Variants in WDR89 observed in about 807,000 individuals in gnomAD.
The protein encoded by WDR89 is WD repeat-containing protein 89.
WDR89 carries 17 observed loss-of-function variants against 29.1 expected under a neutral mutation model. The observed-to-expected ratio is 0.58, with a 90% CI of 0.40 to 0.88. The LOEUF is 0.88. Ranked by LOEUF, WDR89 falls within the 40% of genes least tolerant of loss-of-function variation. The pLI is 0.00. For missense variants in WDR89, 396 were observed against 456.3 expected (o/e 0.87, Z 1.20); for synonymous variants, 138 against 157.8 (o/e 0.87, Z 0.94).
rs930482058 is a variant in WDR89, at chr14:63,604,910, C to T, written c.-31-4937G>A. Among the ~76,000 whole-genome samples the T allele has an allele frequency of 2.6e-4, 40 of 152,116 alleles. 1 individual carries two copies. The highest frequency in any genetic ancestry group is 3.4e-3 in the Middle Eastern group (1 of 294). ...ATCCCAGCACTTTGGGAGGCCAAGC[C>T]GGGCAGCCAGGCAGATCACTTTAGC... On this transcript the variant is annotated intron_variant, in intron 2 of 2. Transcript: ENST00000620954.
chr14:63,599,787 G>A lies in WDR89; in HGVS notation c.156C>T (p.Ile52=), dbSNP rs1894972078. The A allele has an allele frequency of 6.2e-7, 1 of 1,614,104 alleles. No homozygotes were observed. Among genetic ancestry groups the A allele is most frequent in the Admixed American group, 1.7e-5 (1 of 60,020 alleles). ...TTAACCTTTCTTTATCATATATTCT[G>A]ATTGATCCATTAGAACATAAAACAG... is the stretch of plus-strand genomic sequence containing the variant. The part of the protein sequence containing the change: ...LVAVLCSNGS[I]RIYDKERLNV... The change falls in exon 3 of 3, where the codon ATC becomes ATT. Residue 52 remains isoleucine, a synonymous_variant. Transcript: ENST00000620954.
intron 1 of WDR89, among the ~76,000 whole-genome samples, chr14:63,640,959 G>T (rs1322761431): frequency 2.0e-5 from 3 of 149,938 alleles, no homozygotes; most frequent in Admixed American, 6.6e-5. Context: ...TTAGCCGGGC[G>T]TGGTGCCAGG....
intron 2 of WDR89, among the ~76,000 whole-genome samples, chr14:63,624,511 T>TAA (rs34839242): frequency 7.3e-6 from 1 of 136,810 alleles, no homozygotes. Context: ...AAGAAATATT[T>TAA]AAAAAAAAAA....
chr14:63,641,758 G>C (rs1429727042), intron 1 of WDR89, 46 bp downstream of exon 1: 2 of 152,582 alleles, frequency 1.3e-5, no homozygotes, highest in African/African-American at 2.4e-5. Context: ...CGTCGAGAGG[G>C]CTGCCCATCC....
At chr14:63,612,043 A>C (rs1203924679) in intron 2 of WDR89, among the ~76,000 whole-genome samples, 1 of 151,960 alleles carries the variant, frequency 6.6e-6, no homozygotes, top group Non-Finnish European at 1.5e-5. Flanking sequence ...AAAATTTTTA[A>C]CATATCATTG....
At chr14:63,615,853 G>A (rs1327650095) in intron 2 of WDR89, among the ~76,000 whole-genome samples, 2 of 151,900 alleles carry the variant, frequency 1.3e-5, no homozygotes, top group African/African-American at 2.4e-5. Flanking sequence ...GAACCTCAGA[G>A]GCAGAGGTTG....
At chr14:63,609,480 T>G (rs1423793697) in intron 2 of WDR89, among the ~76,000 whole-genome samples, 1 of 152,126 alleles carries the variant, frequency 6.6e-6, no homozygotes, top group Non-Finnish European at 1.5e-5. Flanking sequence ...CATTTTATAA[T>G]GAAAAATACA....
At chr14:63,603,040 G>A (rs1895149778) in intron 2 of WDR89, among the ~76,000 whole-genome samples, 1 of 151,862 alleles carries the variant, frequency 6.6e-6, no homozygotes, top group Admixed American at 6.6e-5. Flanking sequence ...ACAGGCGTGA[G>A]CCACCACGCC....
In WDR89 at chr14:63,632,550, T is replaced by C. The variant is rs543672071; in HGVS notation, c.-137-7517A>G. 7.2e-5 allele frequency among the ~76,000 whole-genome samples: 11 copies of C among 152,182 alleles called. No homozygotes were observed. The South Asian group carries it at 2.1e-3, about 29-fold the overall frequency. On this transcript the variant is annotated intron_variant, in intron 1 of 2. Coordinates refer to ENST00000620954, the MANE Select transcript of WDR89 (RefSeq NM_080666.4). ...AGGGAGGCTAAGGCACGAGAATCAA[T>C]TGAACCCGGGAGGTGGAGGTTGCAG...
intron 2 of WDR89, among the ~76,000 whole-genome samples, chr14:63,616,537 G>A (rs1882316449): frequency 6.6e-6 from 1 of 152,162 alleles, no homozygotes; most frequent in Non-Finnish European, 1.5e-5. Context: ...TCCCCCATGA[G>A]GTGACATTTG....
intron 1 of WDR89, among the ~76,000 whole-genome samples, chr14:63,625,288 T>C (rs951348322): frequency 7.9e-5 from 12 of 152,118 alleles, no homozygotes; most frequent in African/African-American, 2.7e-4. Context: ...GGGGCTGAGG[T>C]TGTGGGGAGG....
intron 1 of WDR89, among the ~76,000 whole-genome samples, chr14:63,637,582 G>GTA (rs1883819810): frequency 6.6e-6 from 1 of 151,946 alleles, no homozygotes; most frequent in African/African-American, 2.4e-5. Context: ...ATATGTGTGT[G>GTA]TATATATATG....
rs1894904056 is a variant in WDR89 at position 63,598,795 on chromosome 14, CTTTTA to C, written c.1143_1147del (p.Tyr381Ter). 3.2e-6 allele frequency: 5 copies of C among 1,581,364 alleles called. No homozygotes were observed. The highest frequency in any genetic ancestry group is 3.4e-6 in the Non-Finnish European group (4 of 1,165,418). On this transcript the variant is annotated stop_gained and frameshift_variant, in exon 3 of 3. Transcript: ENST00000620954. LOFTEE classifies it high-confidence loss of function. ...AATGCATTATCACTGCTTTTTCCTT[CTTTTA>C]TAAGAATCATTACTATGAACTCGTA... is the stretch of plus-strand genomic sequence containing the variant.
At chr14:63,601,881 A>C (rs1895080914) in intron 2 of WDR89, 1 of 596,450 alleles carries the variant, frequency 1.7e-6, no homozygotes, top group Non-Finnish European at 3.0e-6. Flanking sequence ...GAAATCTTTC[A>C]TCATGTAAAT....
chr14:63,635,677 GA>G (rs1595041250), intron 1 of WDR89, among the ~76,000 whole-genome samples: 1 of 152,148 alleles, frequency 6.6e-6, no homozygotes, highest in African/African-American at 2.4e-5. Flanking sequence ...CAATAAAGAG[GA>G]AGTCAAACTG....
At chr14:63,601,486 A>G (rs954900702) in intron 2 of WDR89, 1 of 1,264,766 alleles carries the variant, frequency 7.9e-7, no homozygotes, top group South Asian at 1.2e-5. Context: ...AGAGCAGAGT[A>G]CGAGTCTGAG....
intron 1 of WDR89, among the ~76,000 whole-genome samples, chr14:63,626,339 T>C (rs1367850386): frequency 6.6e-6 from 1 of 151,888 alleles, no homozygotes; most frequent in African/African-American, 2.4e-5. Context: ...CAGTAAGTCA[T>C]AAAAGGGAAA....
chr14:63,634,030 T>TA (rs1186908085), intron 1 of WDR89, among the ~76,000 whole-genome samples: 2 of 152,162 alleles, frequency 1.3e-5, no homozygotes, highest in African/African-American at 4.8e-5. Context: ...ACGAGAACTG[T>TA]AAAAAATCAT....
At chr14:63,635,355 T>G (rs1883662509) in intron 1 of WDR89, among the ~76,000 whole-genome samples, 1 of 152,188 alleles carries the variant, frequency 6.6e-6, no homozygotes, top group Non-Finnish European at 1.5e-5. Context: ...ATGTACCACA[T>G]AAACAGAATT....
Sources: allele counts gnomAD v4.1 joint callset (sites outside exome capture counted in the v4.1 genomes callset), GRCh38; gene constraint gnomAD v4.1.1; transcripts MANE v1.5; gene names NCBI Gene and HGNC (gene_info 2026-07-23, HGNC 2026-07-21).